Variants in TAB2 observed in about 807,000 individuals in gnomAD.
TAB2 encodes TGF-beta activated kinase 1 (MAP3K7) binding protein 2.
Under a neutral mutation model 65.0 loss-of-function variants are expected in TAB2, and 3 were observed. That is an observed-to-expected ratio of 0.05 (90% CI 0.02 to 0.12). The LOEUF is 0.12. TAB2 is among the 10% of genes least tolerant of loss of function. The pLI, the probability that TAB2 is intolerant of heterozygous loss-of-function variation, is 1.00. For missense variants in TAB2, 623 were observed against 840.3 expected, an observed-to-expected ratio of 0.74 and a Z score of 3.20; for synonymous variants, 298 against 285.1, an observed-to-expected ratio of 1.05 and a Z score of -0.46.
chr6:149,371,629 G>A (rs982510137), intron 2 of TAB2, among the ~76,000 whole-genome samples: 10 of 152,008 alleles, frequency 6.6e-5, no homozygotes, highest in Non-Finnish European at 4.4e-5. Context: ...TTCCTCCACT[G>A]TACAGTGGGA....
At chr6:149,379,977 C>T (rs191294308) in intron 3 of TAB2, 2 of 450,226 alleles carry the variant, frequency 4.4e-6, no homozygotes, top group East Asian at 7.3e-5. Context: ...TGGTGGCTCA[C>T]GCCTGTAATT....
intron 1 of TAB2, chr6:149,253,193 G>A (rs951149916): frequency 6.6e-6 from 1 of 152,250 alleles, no homozygotes; most frequent in Non-Finnish European, 1.5e-5. Flanking sequence ...GAAGGGAGAT[G>A]TCTAGGCCCA....
At chr6:149,272,752 T>C (rs746745163) in intron 1 of TAB2, among the ~76,000 whole-genome samples, 60 of 152,376 alleles carry the variant, frequency 3.9e-4, no homozygotes, top group Non-Finnish European at 4.7e-4. Flanking sequence ...GACATTATTC[T>C]GCATCCCTTA....
Position 149,296,570 on chromosome 6 carries a change from G to A in TAB2, c.-121+77794G>A, listed in dbSNP as rs553307168. Reference sequence around the variant, plus strand: ...TTTTAGTTGTCTTCAGCTGGGGGAAGGAGAGGGGAAATTGATTTGAATAAT... The same window carrying A: ...TTTTAGTTGTCTTCAGCTGGGGGAAAGAGAGGGGAAATTGATTTGAATAAT... On this transcript the variant is annotated intron_variant, in intron 1 of 1. Transcript: ENST00000606202. 1.6e-4 allele frequency among the ~76,000 whole-genome samples: 25 copies of A among 152,174 alleles called. No homozygotes were observed. The East Asian group carries it at 4.6e-3, about 28-fold the overall frequency.
intron 1 of TAB2, among the ~76,000 whole-genome samples, chr6:149,367,343 A>G (rs947978187): frequency 6.6e-6 from 1 of 152,124 alleles, no homozygotes; most frequent in East Asian, 1.9e-4. Context: ...AGGGAGTTGC[A>G]GGTGGATCTA....
At chr6:149,278,675 A>G (rs890528621) in intron 1 of TAB2, among the ~76,000 whole-genome samples, 1 of 152,210 alleles carries the variant, frequency 6.6e-6, no homozygotes, top group African/African-American at 2.4e-5. Flanking sequence ...AACAACGCAT[A>G]TCATTCCCTC....
At chr6:149,383,184 A>G (rs1389770698) in intron 3 of TAB2, among the ~76,000 whole-genome samples, 1 of 152,084 alleles carries the variant, frequency 6.6e-6, no homozygotes, top group African/African-American at 2.4e-5. Flanking sequence ...AAAAGGAAAG[A>G]AAGAACTCTA....
At position 149,409,943 on chromosome 6, in the gene TAB2, T is replaced by C. The variant is rs1345699950; in HGVS notation, c.*224T>C. ...ATGAAAAGTAATCTGCTGAAAGACT[T>C]GGTTGCCCACTGCCTAACTGTGTAC... On this transcript the variant is annotated 3_prime_UTR_variant, in exon 7 of 7. Transcript: ENST00000637181. 1 of 598,712 alleles carries C rather than the reference T, an allele frequency of 1.7e-6. No individual in the cohort carries two copies. Among genetic ancestry groups the C allele is most frequent in the Non-Finnish European group, 3.0e-6 (1 of 338,744 alleles). 37.1% of individuals were successfully genotyped at this position (598,712 alleles called of 1,614,324 possible). A position where few individuals can be genotyped will look rare whatever the true frequency, so the allele number is the denominator to read the frequency against.
chr6:149,407,671 A>G (rs1253503898), intron 6 of TAB2, among the ~76,000 whole-genome samples: 1 of 152,116 alleles, frequency 6.6e-6, no homozygotes, highest in Non-Finnish European at 1.5e-5. Flanking sequence ...TTCATAATGT[A>G]GAGATTTTTT....
At chr6:149,310,576 T>TTAA (rs1562409071) in intron 1 of TAB2, among the ~76,000 whole-genome samples, 1 of 151,292 alleles carries the variant, frequency 6.6e-6, no homozygotes, top group African/African-American at 2.4e-5. Flanking sequence ...ATATTTTTTT[T>TTAA]AAAATTGCAT....
intron 1 of TAB2, among the ~76,000 whole-genome samples, chr6:149,295,458 A>C (rs1778858174): frequency 6.6e-6 from 1 of 152,138 alleles, no homozygotes; most frequent in Non-Finnish European, 1.5e-5. Context: ...ATCTCTTCAA[A>C]TACTACCTTT....
chr6:149,354,495 T>C (rs1780591780), intron 1 of TAB2, among the ~76,000 whole-genome samples: 1 of 152,186 alleles, frequency 6.6e-6, no homozygotes, highest in African/African-American at 2.4e-5. Flanking sequence ...TTTTATTGAA[T>C]ATTTTTTATT....
At chr6:149,359,169 T>G (rs1034950582) in intron 1 of TAB2, among the ~76,000 whole-genome samples, 1 of 152,190 alleles carries the variant, frequency 6.6e-6, no homozygotes, top group Non-Finnish European at 1.5e-5. Context: ...GCTTTTGAAT[T>G]TTATTTAACA....
intron 1 of TAB2, among the ~76,000 whole-genome samples, chr6:149,340,158 C>A (rs892829741): frequency 3.9e-5 from 6 of 152,110 alleles, no homozygotes; most frequent in African/African-American, 1.4e-4. Flanking sequence ...GCTTAAACTA[C>A]AATTTAAAGG....
chr6:149,223,487 T>A (rs147308285), intron 1 of TAB2, among the ~76,000 whole-genome samples: 4 of 152,250 alleles, frequency 2.6e-5, no homozygotes, highest in African/African-American at 9.6e-5. Context: ...TGCTATTTTG[T>A]AGAGTATGAT....
intron 2 of TAB2, 56 bp from the exon 3 acceptor site, chr6:149,377,962 A>T: frequency 7.3e-7 from 1 of 1,365,720 alleles, no homozygotes; most frequent in Non-Finnish European, 1.0e-6. Flanking sequence ...TAGAGATGCA[A>T]ATATAAGCAT....
At chr6:149,226,371 CG>C (rs1562379330) in intron 1 of TAB2, among the ~76,000 whole-genome samples, 1 of 152,136 alleles carries the variant, frequency 6.6e-6, no homozygotes, top group East Asian at 1.9e-4. Flanking sequence ...TATTAGTCCT[CG>C]GGTGTGAGTC....
rs186392270 is a variant in TAB2 at position 149,366,342 on chromosome 6, A to G, written c.-89-3567A>G. The stretch of plus-strand genomic sequence containing the variant: ...TTGCTGCTTGAATGGAATCTGTCGC[A>G]CATATGTATAGTTTGGAGATCAAAG... On this transcript the variant is annotated intron_variant, in intron 1 of 6. Coordinates refer to ENST00000637181, the MANE Select transcript of TAB2 (RefSeq NM_001292034.3). Among the ~76,000 whole-genome samples the G allele has an allele frequency of 2.6e-5, 4 of 152,220 alleles. No individual in the cohort carries two copies. The East Asian group carries it at 7.7e-4, about 29-fold the overall frequency.
chr6:149,399,892 A>G (rs980038328), intron 6 of TAB2, among the ~76,000 whole-genome samples: 2 of 152,360 alleles, frequency 1.3e-5, no homozygotes, highest in East Asian at 1.9e-4. Flanking sequence ...GCAAGAACAC[A>G]AAAGTGTGGG....
Sources: allele counts gnomAD v4.1 joint callset (sites outside exome capture counted in the v4.1 genomes callset), GRCh38; gene constraint gnomAD v4.1.1; transcripts MANE v1.5; gene names NCBI Gene and HGNC (gene_info 2026-07-23, HGNC 2026-07-21).